Variants in NBAS observed in about 807,000 individuals in gnomAD.
NBAS encodes NAG/BC035112 fusion.
In NBAS, 219 loss-of-function variants were observed where a neutral mutation model predicts 302.5. That is an observed-to-expected ratio of 0.72 (90% CI 0.65 to 0.81). The LOEUF (loss-of-function observed/expected upper bound fraction) is 0.81, where lower values mean the gene tolerates loss of function less well. NBAS is among the 30% of genes least tolerant of loss of function. NBAS has a pLI of 0.00. For synonymous variants in NBAS, 1,118 were observed against 1,021.6 expected (o/e 1.09, Z -1.80); for missense variants, 2,932 against 2,841.6 (o/e 1.03, Z -0.72).
At chr2:15,262,980 G>A (rs920933152) in intron 44 of NBAS, among the ~76,000 whole-genome samples, 1 of 152,176 alleles carries the variant, frequency 6.6e-6, no homozygotes, top group Non-Finnish European at 1.5e-5. Context: ...TAGCACACAT[G>A]CCCACATTGC....
At chr2:15,322,871 G>C (rs1002709391) in intron 38 of NBAS, among the ~76,000 whole-genome samples, 5 of 152,056 alleles carry the variant, frequency 3.3e-5, no homozygotes, top group South Asian at 2.1e-4. Flanking sequence ...AAATGTGATA[G>C]GGAATAGGAA....
chr2:14,954,638 T>C, the NBAS span, among the ~76,000 whole-genome samples: 3 of 152,146 alleles, frequency 2.0e-5, no homozygotes, highest in African/African-American at 7.2e-5. Flanking sequence ...TCAGGAAACT[T>C]ACCATCATGG....
intron 41 of NBAS, among the ~76,000 whole-genome samples, chr2:15,288,854 G>A (rs10205593): frequency 0.23 from 34,968 of 152,122 alleles, 4,363 homozygotes; most frequent in Middle Eastern, 0.37. Context: ...GCTGGCAAAC[G>A]TTTTCTGGGA....
chr2:14,843,037 T>G, the NBAS span, among the ~76,000 whole-genome samples: 32,745 of 152,068 alleles, frequency 0.22, 5,688 homozygotes, highest in African/African-American at 0.48. Context: ...AATGTGATAC[T>G]TCATACTGAC....
chr2:15,072,445 C>T, the NBAS span, among the ~76,000 whole-genome samples: 13 of 152,086 alleles, frequency 8.5e-5, no homozygotes, highest in African/African-American at 1.4e-4. Context: ...TTTCTAATTT[C>T]GCATTTCTTT....
At chr2:15,412,996 A>C (rs558732166) in intron 25 of NBAS, among the ~76,000 whole-genome samples, 1 of 152,364 alleles carries the variant, frequency 6.6e-6, no homozygotes, top group South Asian at 2.1e-4. Flanking sequence ...ACTGACACTT[A>C]CCAGTCAGAC....
intron 11 of NBAS, among the ~76,000 whole-genome samples, chr2:15,496,212 C>T (rs370034334): frequency 3.3e-5 from 5 of 151,480 alleles, no homozygotes; most frequent in South Asian, 4.2e-4. Flanking sequence ...TCATGCTAAG[C>T]GAAAAAAGCC....
chr2:15,559,615 A>G (rs13017972), intron 1 of NBAS, among the ~76,000 whole-genome samples: 95,305 of 152,032 alleles, frequency 0.63, 30,760 homozygotes, highest in Non-Finnish European at 0.68. Context: ...TGGCCCTGGG[A>G]AGAGATATAA....
intron 35 of NBAS, among the ~76,000 whole-genome samples, chr2:15,335,174 T>TAAAAAAA (rs34790746): frequency 8.5e-6 from 1 of 117,278 alleles, no homozygotes; most frequent in African/African-American, 3.3e-5. Flanking sequence ...TCATCTCTCT[T>TAAAAAAA]AAAAAAAAAA....
intron 22 of NBAS, among the ~76,000 whole-genome samples, chr2:15,427,362 C>G (rs920975352): frequency 3.3e-5 from 5 of 151,226 alleles, no homozygotes; most frequent in Admixed American, 6.6e-5. Flanking sequence ...TTAAATCTGA[C>G]AAGAAAAAAA....
At chr2:15,128,886 C>A in the NBAS span, among the ~76,000 whole-genome samples, 1 of 152,126 alleles carries the variant, frequency 6.6e-6, no homozygotes, top group Admixed American at 6.5e-5. Context: ...CACAGAAAGA[C>A]GATGAAGTCA....
At chr2:15,425,939 T>G (rs1289571680) in intron 22 of NBAS, among the ~76,000 whole-genome samples, 1 of 152,100 alleles carries the variant, frequency 6.6e-6, no homozygotes, top group Non-Finnish European at 1.5e-5. Flanking sequence ...CCCTTCTCAG[T>G]CACCTTTGCT....
chr2:15,046,506 T>G, the NBAS span, among the ~76,000 whole-genome samples: 1 of 152,134 alleles, frequency 6.6e-6, no homozygotes, highest in Non-Finnish European at 1.5e-5. Flanking sequence ...CTGAAGCAAT[T>G]ATAATGAGAA....
At chr2:15,452,525 T>C (rs1278902112) in intron 21 of NBAS, among the ~76,000 whole-genome samples, 1 of 151,306 alleles carries the variant, frequency 6.6e-6, no homozygotes, top group East Asian at 1.9e-4. Context: ...GAGGCGGAGC[T>C]TGCACTGAGC....
At chr2:15,083,546 T>C in the NBAS span, among the ~76,000 whole-genome samples, 1 of 152,242 alleles carries the variant, frequency 6.6e-6, no homozygotes, top group East Asian at 1.9e-4. Flanking sequence ...ATCTGCCCTC[T>C]TCTGCATTTT....
chr2:14,785,580 T>C, the NBAS span, among the ~76,000 whole-genome samples: 1 of 152,216 alleles, frequency 6.6e-6, no homozygotes, highest in Non-Finnish European at 1.5e-5. Context: ...GAGATAATCA[T>C]GTGGTTTTTG....
intron 10 of NBAS, among the ~76,000 whole-genome samples, chr2:15,506,266 T>G (rs927227487): frequency 2.7e-5 from 4 of 150,458 alleles, no homozygotes; most frequent in Admixed American, 1.3e-4. Flanking sequence ...AAAATAGAAA[T>G]AGAAAAAAAT....
At position 15,254,151 on chromosome 2, in the gene NBAS, T is replaced by C. The variant is rs1572533585; in HGVS notation, c.5725-15465A>G. 2.6e-5 allele frequency among the ~76,000 whole-genome samples: 4 copies of C among 152,146 alleles called. No homozygotes were observed. The South Asian group carries it at 8.3e-4, about 32-fold the overall frequency. On this transcript the variant is annotated intron_variant, in intron 44 of 51. Coordinates refer to ENST00000281513, the MANE Select transcript of NBAS (RefSeq NM_015909.4). ...CCTTCTGAGATATCTATTCATGTGT[T>C]TTGCATGTCTGAGATCCATGGCTCC...
At chr2:15,314,851 C>T (rs933291221) in intron 38 of NBAS, among the ~76,000 whole-genome samples, 5 of 152,112 alleles carry the variant, frequency 3.3e-5, no homozygotes, top group Non-Finnish European at 7.4e-5. Context: ...TAATTTAAAA[C>T]AAAAACAAAA....
Sources: allele counts gnomAD v4.1 joint callset (sites outside exome capture counted in the v4.1 genomes callset), GRCh38; gene constraint gnomAD v4.1.1; transcripts MANE v1.5; gene names NCBI Gene and HGNC (gene_info 2026-07-23, HGNC 2026-07-21).